Variants in DAPL1 observed in about 807,000 individuals in gnomAD.
The protein encoded by DAPL1 is death-associated protein-like 1.
A neutral mutation model predicts 12.9 loss-of-function variants in DAPL1; 17 were observed. That is an observed-to-expected ratio of 1.32 (90% CI 0.90 to 1.98). The LOEUF (loss-of-function observed/expected upper bound fraction) is 1.98, where lower values mean the gene tolerates loss of function less well. Ranked by LOEUF, DAPL1 falls within the 30% of genes most tolerant of loss-of-function variation. The pLI, the probability that DAPL1 is intolerant of heterozygous loss-of-function variation, is 0.00. For synonymous variants in DAPL1, 51 were observed against 42.0 expected (o/e 1.21, Z -0.82); for missense variants, 157 against 125.7 (o/e 1.25, Z -1.19).
At chr2:158,811,628 A>G (rs1179050284) in intron 3 of DAPL1, among the ~76,000 whole-genome samples, 3 of 152,172 alleles carry the variant, frequency 2.0e-5, no homozygotes, top group African/African-American at 7.2e-5. Context: ...CTATTGATCC[A>G]CTTTCTAAGT....
intron 3 of DAPL1, among the ~76,000 whole-genome samples, chr2:158,812,541 C>G (rs2105156962): frequency 6.6e-6 from 1 of 152,276 alleles, no homozygotes; most frequent in Non-Finnish European, 1.5e-5. Flanking sequence ...TAACTAGAAT[C>G]CTAGCACTTT....
rs1036523035 is a variant in DAPL1, at chr2:158,795,514, C to A, written c.58+84C>A. The A allele has an allele frequency of 6.1e-6, 8 of 1,313,072 alleles. No individual in the cohort carries two copies. In the East Asian group the frequency reaches 1.5e-4, roughly 25 times the overall value. 81.3% of individuals were successfully genotyped at this position (1,313,072 alleles called of 1,614,324 possible). ...GCCTTCCATGGAGCACCCCGACAGA[C>A]GGAAGCTTCTCTGTCTACCCAGTAT... On this transcript the variant is annotated intron_variant, in intron 1 of 3. Transcript: ENST00000309950.
chr2:158,810,503 C>G (rs2059224595), intron 3 of DAPL1, among the ~76,000 whole-genome samples: 1 of 152,194 alleles, frequency 6.6e-6, no homozygotes, highest in African/African-American at 2.4e-5. Flanking sequence ...CAGGAAAATT[C>G]TCTCTGTATG....
intron 2 of DAPL1, among the ~76,000 whole-genome samples, chr2:158,805,238 A>C (rs1222786676): frequency 6.6e-6 from 1 of 152,182 alleles, no homozygotes; most frequent in East Asian, 1.9e-4. Flanking sequence ...ACTTTTAAAG[A>C]TTGCTTCCTA....
intron 2 of DAPL1, among the ~76,000 whole-genome samples, chr2:158,806,743 G>A (rs2059203754): frequency 6.6e-6 from 1 of 151,910 alleles, no homozygotes; most frequent in African/African-American, 2.4e-5. Flanking sequence ...GGCTGAGGCA[G>A]AAGAATCGCT....
chr2:158,800,081 A>AAAAT (rs1553492202), intron 1 of DAPL1, among the ~76,000 whole-genome samples: 3 of 145,236 alleles, frequency 2.1e-5, no homozygotes, highest in Non-Finnish European at 4.5e-5. Flanking sequence ...AAAAAAAAAA[A>AAAAT]TTTGGCATTT....
At chr2:158,796,474 T>C (rs934465828) in intron 1 of DAPL1, among the ~76,000 whole-genome samples, 1 of 152,336 alleles carries the variant, frequency 6.6e-6, no homozygotes, top group Non-Finnish European at 1.5e-5. Flanking sequence ...TCTGATCTCC[T>C]CTGGTAGATT....
At chr2:158,813,522 A>C (rs995796370) in intron 3 of DAPL1, among the ~76,000 whole-genome samples, 2 of 151,406 alleles carry the variant, frequency 1.3e-5, no homozygotes, top group African/African-American at 4.9e-5. Context: ...AATATCTTCT[A>C]TCACTTATTC....
intron 1 of DAPL1, among the ~76,000 whole-genome samples, chr2:158,797,353 G>C (rs1406464057): frequency 6.6e-6 from 1 of 152,136 alleles, no homozygotes; most frequent in East Asian, 1.9e-4. Flanking sequence ...TGCAGGCCCG[G>C]TAGAACACAT....
intron 3 of DAPL1, among the ~76,000 whole-genome samples, chr2:158,808,442 G>A (rs905177190): frequency 6.6e-6 from 1 of 152,228 alleles, no homozygotes; most frequent in African/African-American, 2.4e-5. Context: ...TCTCAGCACA[G>A]AGTAACCTCT....
intron 1 of DAPL1, among the ~76,000 whole-genome samples, chr2:158,798,961 G>A (rs1332073512): frequency 1.3e-5 from 2 of 152,058 alleles, no homozygotes; most frequent in African/African-American, 4.8e-5. Flanking sequence ...GCAGGCTTAT[G>A]TTTATCTTCA....
intron 1 of DAPL1, among the ~76,000 whole-genome samples, chr2:158,800,109 C>T (rs1001018052): frequency 6.6e-6 from 1 of 151,492 alleles, no homozygotes; most frequent in African/African-American, 2.4e-5. Context: ...TGTTAAATGC[C>T]TTATGCTCTT....
Position 158,815,846 on chromosome 2 carries a change from T to C in DAPL1, c.*25T>C. 1 of 1,531,436 alleles carries C rather than the reference T, an allele frequency of 6.5e-7. No homozygotes were observed. The highest frequency in any genetic ancestry group is 9.1e-7 in the Non-Finnish European group (1 of 1,104,398). 94.9% of individuals were successfully genotyped at this position (1,531,436 alleles called of 1,614,324 possible). ...AGCCTGGATTTAAAACACAGCCGTCTGGCCAGCTGCCTCGAATATCTGACA... is the reference window on the plus strand; with the variant it reads ...AGCCTGGATTTAAAACACAGCCGTCCGGCCAGCTGCCTCGAATATCTGACA... On this transcript the variant is annotated 3_prime_UTR_variant, in exon 4 of 4. Coordinates refer to ENST00000309950, the MANE Select transcript of DAPL1 (RefSeq NM_001017920.3).
intron 3 of DAPL1, among the ~76,000 whole-genome samples, chr2:158,811,995 T>G (rs1360562720): frequency 6.6e-6 from 1 of 152,196 alleles, no homozygotes; most frequent in Non-Finnish European, 1.5e-5. Flanking sequence ...TACCGACAGT[T>G]TCATCAATTC....
At chr2:158,797,856 T>C (rs534577256) in intron 1 of DAPL1, among the ~76,000 whole-genome samples, 1 of 152,058 alleles carries the variant, frequency 6.6e-6, no homozygotes, top group African/African-American at 2.4e-5. Flanking sequence ...TATGGAGCAG[T>C]CAATGGTTTC....
intron 1 of DAPL1, among the ~76,000 whole-genome samples, chr2:158,796,441 G>A (rs924335828): frequency 2.0e-5 from 3 of 152,164 alleles, no homozygotes; most frequent in Non-Finnish European, 4.4e-5. Context: ...CTCATTCTGA[G>A]TTTCCAGCTC....
At chr2:158,807,653 CT>C (rs1303172055) in intron 3 of DAPL1, 4 of 152,130 alleles carry the variant, frequency 2.6e-5, no homozygotes, top group Non-Finnish European at 4.4e-5. Flanking sequence ...TCCTTCTTTT[CT>C]TTTTTTCTTT....
chr2:158,804,956 G>C (rs1181335892), intron 2 of DAPL1, among the ~76,000 whole-genome samples: 2 of 152,196 alleles, frequency 1.3e-5, no homozygotes, highest in Non-Finnish European at 2.9e-5. Flanking sequence ...GCTGGATCAG[G>C]TAAGCAAATG....
At chr2:158,801,256 C>T (rs1391707116) in intron 1 of DAPL1, among the ~76,000 whole-genome samples, 2 of 152,150 alleles carry the variant, frequency 1.3e-5, no homozygotes, top group African/African-American at 4.8e-5. Flanking sequence ...AAAAGGAACA[C>T]TAACAAGAAA....
Sources: gnomAD v4.1 joint callset for allele counts (sites outside exome capture counted in the v4.1 genomes callset) on GRCh38, gnomAD v4.1.1 for gene constraint, MANE v1.5 for transcripts, NCBI Gene and HGNC (gene_info 2026-07-23, HGNC 2026-07-21) for gene names.